The following PRKCZ variants were observed in gnomAD, a reference collection of about 807,000 sequenced individuals.
The protein encoded by PRKCZ is protein kinase C zeta.
PRKCZ carries 33 observed loss-of-function variants against 79.5 expected under a neutral mutation model. The ratio of observed to expected loss-of-function variants is 0.41; its 90% confidence interval spans 0.31 to 0.55. The LOEUF (loss-of-function observed/expected upper bound fraction) is 0.55, where lower values mean the gene tolerates loss of function less well. Among genes scored for constraint, PRKCZ ranks in the 20% least tolerant of loss-of-function variants. PRKCZ has a pLI of 0.19. For missense variants in PRKCZ, 578 were observed against 813.5 expected (o/e 0.71, Z 3.52); for synonymous variants, 342 against 320.9 (o/e 1.07, Z -0.70).
At chr1:2,115,290 G>A (rs558742533) in intron 4 of PRKCZ, among the ~76,000 whole-genome samples, 4 of 152,382 alleles carry the variant, frequency 2.6e-5, no homozygotes, top group South Asian at 2.1e-4. Context: ...CTCATCTTGC[G>A]AGGCACCGGG....
At chr1:2,072,633 C>G (rs1263799260) in intron 4 of PRKCZ, among the ~76,000 whole-genome samples, 2 of 151,984 alleles carry the variant, frequency 1.3e-5, no homozygotes, top group African/African-American at 4.8e-5. Context: ...AGGAGGTGGG[C>G]CCAGGTGAGA....
At chr1:2,167,385 T>C (rs1277958902) in intron 10 of PRKCZ, among the ~76,000 whole-genome samples, 1 of 152,220 alleles carries the variant, frequency 6.6e-6, no homozygotes, top group Non-Finnish European at 1.5e-5. Context: ...GAAATGGCAT[T>C]GGCTTTGTCC....
intron 1 of PRKCZ, 131 bp from the exon 2 acceptor site, chr1:2,055,310 G>A (rs1660063623): frequency 2.7e-6 from 3 of 1,120,020 alleles, no homozygotes; most frequent in South Asian, 3.4e-5. Flanking sequence ...GGGGGAGGGG[G>A]TGGGGCTGTC....
At chr1:2,086,858 G>A (rs773781725) in intron 4 of PRKCZ, among the ~76,000 whole-genome samples, 13 of 152,160 alleles carry the variant, frequency 8.5e-5, no homozygotes, top group African/African-American at 2.7e-4. Context: ...TCAGAGCCGC[G>A]GCATCGTCAC....
intron 4 of PRKCZ, among the ~76,000 whole-genome samples, chr1:2,062,022 A>G (rs1197123904): frequency 6.6e-6 from 1 of 152,204 alleles, no homozygotes; most frequent in African/African-American, 2.4e-5. Flanking sequence ...GGAGCACGCC[A>G]GAGGCAGACG....
chr1:2,135,549 T>C (rs962109122), intron 5 of PRKCZ, among the ~76,000 whole-genome samples: 5 of 152,210 alleles, frequency 3.3e-5, no homozygotes, highest in Non-Finnish European at 7.4e-5. Context: ...CTCCGGGCCT[T>C]TCCCTGCGTG....
At chr1:2,055,309 G>A in intron 1 of PRKCZ, 132 bp from the exon 2 acceptor site, 7 of 1,106,844 alleles carry the variant, frequency 6.3e-6, no homozygotes, top group Admixed American at 3.0e-5. Flanking sequence ...GGGGGGAGGG[G>A]GTGGGGCTGT....
chr1:2,073,717 A>G (rs1183941305), intron 4 of PRKCZ: 20 of 1,000,004 alleles, frequency 2.0e-5, no homozygotes, highest in Non-Finnish European at 6.0e-6. Flanking sequence ...GCCTGGAGAC[A>G]TGAGGAGGCA....
chr1:2,124,282 TGTAGTTAGCGTCAC>T, intron 4 of PRKCZ, among the ~76,000 whole-genome samples: 1 of 21,094 alleles, frequency 4.7e-5, no homozygotes, highest in Non-Finnish European at 9.4e-5. Context: ...GGGTCACGGC[TGTAGTTAGCGTCAC>T]GGTGGTAGTT....
At chr1:2,136,943 G>A (rs1676317727) in intron 5 of PRKCZ, among the ~76,000 whole-genome samples, 1 of 152,168 alleles carries the variant, frequency 6.6e-6, no homozygotes, top group Non-Finnish European at 1.5e-5. Flanking sequence ...TGGGATGCAT[G>A]TACATGAAAG....
chr1:2,052,481 C>G (rs1265034607), intron 1 of PRKCZ, among the ~76,000 whole-genome samples: 1 of 151,620 alleles, frequency 6.6e-6, no homozygotes, highest in Non-Finnish European at 1.5e-5. Context: ...GCTCTCCCCT[C>G]TCTCCCTTCC....
chr1:2,121,289 T>A (rs61775450), intron 4 of PRKCZ, among the ~76,000 whole-genome samples: 19,989 of 152,148 alleles, frequency 0.13, 1,551 homozygotes, highest in South Asian at 0.2. Flanking sequence ...GAGGCCAAGT[T>A]CCTCCCTGGC....
At chr1:2,140,290 A>G (rs374531842) in intron 5 of PRKCZ, among the ~76,000 whole-genome samples, 1 of 152,250 alleles carries the variant, frequency 6.6e-6, no homozygotes, top group African/African-American at 2.4e-5. Context: ...AAAAGCCCAG[A>G]CAGAGGCTCC....
At chr1:2,092,269 C>A (rs1665653927) in intron 4 of PRKCZ, among the ~76,000 whole-genome samples, 1 of 152,146 alleles carries the variant, frequency 6.6e-6, no homozygotes, top group Non-Finnish European at 1.5e-5. Flanking sequence ...GGAACCCTGC[C>A]CCCTCTGTGT....
intron 7 of PRKCZ, among the ~76,000 whole-genome samples, chr1:2,147,253 C>T (rs749144970): frequency 9.2e-5 from 14 of 152,050 alleles, no homozygotes; most frequent in Non-Finnish European, 1.8e-4. Flanking sequence ...ACGTCTCCAT[C>T]TATCCATCTG....
chr1:2,110,761 C>T (rs546281221), intron 4 of PRKCZ, among the ~76,000 whole-genome samples: 13 of 140,056 alleles, frequency 9.3e-5, no homozygotes, highest in Admixed American at 1.5e-4. Context: ...CTGGGAGCAG[C>T]GGAGTGAAGG....
intron 4 of PRKCZ, among the ~76,000 whole-genome samples, chr1:2,093,803 C>G (rs1164389329): frequency 6.6e-6 from 1 of 152,192 alleles, no homozygotes; most frequent in Admixed American, 6.5e-5. Context: ...GCGGCCTGCC[C>G]CGCCTGTGCT....
intron 16 of PRKCZ, among the ~76,000 whole-genome samples, chr1:2,179,101 C>T (rs764161224): frequency 1.3e-4 from 20 of 152,222 alleles, no homozygotes; most frequent in Admixed American, 3.3e-4. Context: ...CAGAGGGCCC[C>T]GTCAGCCAGG....
chr1:2,102,444 T>C (rs773771018), intron 4 of PRKCZ, among the ~76,000 whole-genome samples: 23 of 151,960 alleles, frequency 1.5e-4, no homozygotes, highest in Admixed American at 1.1e-3. Flanking sequence ...ACCATTCTCC[T>C]GCCTCAGCCT....
Sources: gnomAD v4.1 joint callset for allele counts (sites outside exome capture counted in the v4.1 genomes callset) on GRCh38, gnomAD v4.1.1 for gene constraint, MANE v1.5 for transcripts, NCBI Gene and HGNC (gene_info 2026-07-23, HGNC 2026-07-21) for gene names.